RNF214: variants seen among roughly 807,000 people sequenced by gnomAD.
The protein encoded by RNF214 is ring finger protein 214.
In RNF214, 25 loss-of-function variants were observed where a neutral mutation model predicts 75.9. That is an observed-to-expected ratio of 0.33 (90% CI 0.24 to 0.46). The LOEUF (loss-of-function observed/expected upper bound fraction) is 0.46. Ranked by LOEUF, RNF214 falls within the 20% of genes least tolerant of loss-of-function variation. RNF214 has a pLI of 1.00. For missense variants in RNF214, 725 were observed against 857.5 expected, an observed-to-expected ratio of 0.85 and a Z score of 1.93; for synonymous variants, 314 against 308.8, an observed-to-expected ratio of 1.02 and a Z score of -0.18.
chr11:117,275,909 C>A (rs1201213762), intron 6 of RNF214, among the ~76,000 whole-genome samples: 1 of 152,142 alleles, frequency 6.6e-6, no homozygotes, highest in Non-Finnish European at 1.5e-5. Context: ...CACCCTGATA[C>A]CAAAGCCAGG....
intron 6 of RNF214, among the ~76,000 whole-genome samples, chr11:117,252,102 C>G (rs189621047): frequency 6.6e-6 from 1 of 152,314 alleles, no homozygotes; most frequent in East Asian, 1.9e-4. Flanking sequence ...CACCTGACCT[C>G]AAGTGATGTG....
chr11:117,282,528 A>G lies in RNF214; in HGVS notation c.1837A>G (p.Ser613Gly). Reference protein sequence around the residue: ...RLAEHERVAASTQPLGRIRAL... With the variant: ...RLAEHERVAAGTQPLGRIRAL... ...GGCAGAACATGAGCGGGTGGCAGCA[A>G]GTACTCAGGTGAGAAAAGCCACTTG... is the stretch of plus-strand genomic sequence containing the variant. The change falls in exon 12 of 15, where the codon AGT (serine) becomes GGT (glycine). Residue 613 changes from serine to glycine, a missense_variant. Transcript: ENST00000300650. The G allele has an allele frequency of 6.2e-7, 1 of 1,614,026 alleles. No individual in the cohort carries two copies. The highest frequency in any genetic ancestry group is 1.3e-5 in the African/African-American group (1 of 75,076).
rs768312281 is a variant in RNF214, at chr11:117,234,423, G to A, written c.107+44G>A. 20 of 1,402,192 alleles carry A rather than the reference G, an allele frequency of 1.4e-5. No individual in the cohort carries two copies. In the Admixed American group the frequency reaches 3.4e-4, roughly 24 times the overall value. The allele number at this position is 1,402,192 out of a possible 1,614,324, so 86.9% of individuals were successfully genotyped here. On this transcript the variant is annotated intron_variant, in intron 2 of 14. Coordinates refer to ENST00000300650, the MANE Select transcript of RNF214 (RefSeq NM_207343.4). ...ACTGGGAAGATTCATTTGGGTAAAG[G>A]GTTTTTGAGATGGTCTTGTGTAGCT... is the stretch of plus-strand genomic sequence containing the variant.
chr11:117,236,843 A>C (rs191402325), intron 2 of RNF214, among the ~76,000 whole-genome samples: 1 of 152,346 alleles, frequency 6.6e-6, no homozygotes, highest in East Asian at 1.9e-4. Context: ...AATGTTTACT[A>C]TGTGCCAGGC....
chr11:117,249,098 A>T lies in RNF214; in HGVS notation c.959+2150A>T, dbSNP rs58324141. On this transcript the variant is annotated intron_variant, in intron 6 of 14. Transcript: ENST00000300650. ...CCATCATGCCCAGATAATTTTTTAA[A>T]TTTTTTTATAGAGATGAGAATCTCA... is the stretch of plus-strand genomic sequence containing the variant. Among the ~76,000 whole-genome samples, 922 of 152,036 alleles carry T rather than the reference A, an allele frequency of 6.1e-3. 8 individuals are homozygous for T. The highest frequency in any genetic ancestry group is 0.021 in the African/African-American group (854 of 41,484).
At chr11:117,273,605 A>G (rs2033953995) in intron 6 of RNF214, among the ~76,000 whole-genome samples, 1 of 152,196 alleles carries the variant, frequency 6.6e-6, no homozygotes, top group South Asian at 2.1e-4. Context: ...AGTTACATTG[A>G]AACAGCAGGG....
At chr11:117,267,575 G>T (rs477269) in intron 6 of RNF214, among the ~76,000 whole-genome samples, 108,496 of 151,608 alleles carry the variant, frequency 0.72, 40,309 homozygotes, top group East Asian at 0.95. Flanking sequence ...AAGAAAAAAA[G>T]AAAATTAGCC....
intron 2 of RNF214, among the ~76,000 whole-genome samples, chr11:117,234,618 A>T (rs2032849411): frequency 6.6e-6 from 1 of 152,264 alleles, no homozygotes; most frequent in African/African-American, 2.4e-5. Context: ...TCATTAAAAA[A>T]TGCAAACATT....
chr11:117,270,241 C>CTTTTTTTTTTTTTTTTTTTTTTTTTTTT (rs57144374), intron 6 of RNF214, among the ~76,000 whole-genome samples: 2 of 75,852 alleles, frequency 2.6e-5, no homozygotes, highest in African/African-American at 1.1e-4. Flanking sequence ...CTTTTCTTTT[C>CTTTTTTTTTTTTTTTTTTTTTTTTTTTT]TTTTTTTTTT....
chr11:117,254,746 C>T (rs1049399804), intron 6 of RNF214, among the ~76,000 whole-genome samples: 1 of 151,986 alleles, frequency 6.6e-6, no homozygotes, highest in African/African-American at 2.4e-5. Context: ...GCCTCAGCCT[C>T]CTGAGTAGCT....
chr11:117,252,665 T>C (rs1333893300), intron 6 of RNF214, among the ~76,000 whole-genome samples: 15 of 151,928 alleles, frequency 9.9e-5, no homozygotes, highest in South Asian at 4.2e-4. Context: ...GGACTACATG[T>C]GCCTGCCACC....
At chr11:117,261,965 A>G (rs1232207218) in intron 6 of RNF214, among the ~76,000 whole-genome samples, 1 of 151,342 alleles carries the variant, frequency 6.6e-6, no homozygotes, top group Non-Finnish European at 1.5e-5. Context: ...ATTTTTTTCA[A>G]ATGTTAAACC....
intron 6 of RNF214, among the ~76,000 whole-genome samples, chr11:117,251,236 GC>G (rs2033374298): frequency 6.5e-5 from 2 of 30,712 alleles, no homozygotes; most frequent in Non-Finnish European, 1.6e-4. Flanking sequence ...GGCTGGCCGG[GC>G]GGGGGGCTGA....
At chr11:117,259,937 T>C (rs1242231732) in intron 6 of RNF214, among the ~76,000 whole-genome samples, 2 of 152,224 alleles carry the variant, frequency 1.3e-5, no homozygotes, top group Non-Finnish European at 2.9e-5. Flanking sequence ...ACTTTTCTTT[T>C]ATAGTTAGTG....
chr11:117,275,311 A>T (rs1448702137), intron 6 of RNF214, among the ~76,000 whole-genome samples: 1 of 152,204 alleles, frequency 6.6e-6, no homozygotes, highest in East Asian at 1.9e-4. Flanking sequence ...AAGACAGGTC[A>T]CAAATTGACA....
At chr11:117,278,122 G>A (rs1353707994) in intron 6 of RNF214, among the ~76,000 whole-genome samples, 3 of 151,862 alleles carry the variant, frequency 2.0e-5, no homozygotes, top group Admixed American at 2.0e-4. Flanking sequence ...GGCTAACATG[G>A]TGAAACCCTG....
In RNF214 at chr11:117,270,241, C is replaced by CTTTTTTTTTTTTTTTTTTT. The variant is rs57144374; in HGVS notation, c.960-9659_960-9641dup. Among the ~76,000 whole-genome samples, 5 of 75,852 alleles carry CTTTTTTTTTTTTTTTTTTT rather than the reference C, an allele frequency of 6.6e-5. 1 individual carries two copies. The highest frequency in any genetic ancestry group is 5.1e-5 in the Non-Finnish European group (2 of 38,930). The allele number at this position is 75,852 out of a possible 152,430, so 49.8% of individuals were successfully genotyped here. On this transcript the variant is annotated intron_variant, in intron 6 of 14. Transcript: ENST00000300650. ...TTTCAATTTTCTTTTCTTTTCTTTT[C>CTTTTTTTTTTTTTTTTTTT]TTTTTTTTTTTTTTTTTTTTTTTTT...
At chr11:117,262,336 C>T (rs892155157) in intron 6 of RNF214, among the ~76,000 whole-genome samples, 8 of 152,136 alleles carry the variant, frequency 5.3e-5, no homozygotes, top group Non-Finnish European at 8.8e-5. Context: ...ATCTGCCTGC[C>T]TCGGCCTCCC....
intron 5 of RNF214, among the ~76,000 whole-genome samples, chr11:117,245,579 T>C (rs2033198960): frequency 6.6e-6 from 1 of 151,992 alleles, no homozygotes; most frequent in Non-Finnish European, 1.5e-5. Flanking sequence ...CCTGACCTCA[T>C]GATCCACCTG....
Sources: allele counts gnomAD v4.1 joint callset (sites outside exome capture counted in the v4.1 genomes callset), GRCh38; gene constraint gnomAD v4.1.1; transcripts MANE v1.5; gene names NCBI Gene and HGNC (gene_info 2026-07-23, HGNC 2026-07-21).